The following ENTHD1 variants were observed in gnomAD, a reference collection of about 807,000 sequenced individuals.
The protein encoded by ENTHD1 is ENTH domain containing 1, also known as ENTH domain-containing protein 1.
A neutral mutation model predicts 39.1 loss-of-function variants in ENTHD1; 23 were observed. That is an observed-to-expected ratio of 0.59 (90% CI 0.42 to 0.83). ENTHD1 has a LOEUF of 0.83. ENTHD1 is among the 40% of genes least tolerant of loss of function. The probability of loss-of-function intolerance (pLI) is 0.00; values close to 1 mark genes in which losing one functional copy is unlikely to be tolerated. For missense variants in ENTHD1, 624 were observed against 705.4 expected, an observed-to-expected ratio of 0.88 and a Z score of 1.31; for synonymous variants, 230 against 258.2, an observed-to-expected ratio of 0.89 and a Z score of 1.05.
chr22:39,862,137 A>G, intron 2 of ENTHD1, 130 bp from the exon 3 acceptor site: 1 of 568,196 alleles, frequency 1.8e-6, no homozygotes, highest in Non-Finnish European at 2.8e-6. Context: ...ATAAAGAACT[A>G]CTGATAAGTA....
intron 3 of ENTHD1, among the ~76,000 whole-genome samples, chr22:39,841,068 T>C (rs1201360151): frequency 6.6e-6 from 1 of 152,158 alleles, no homozygotes; most frequent in African/African-American, 2.4e-5. Flanking sequence ...TAGTTGGTAT[T>C]TGTCATATTT....
chr22:39,797,444 T>C (rs774253938), intron 5 of ENTHD1, among the ~76,000 whole-genome samples: 11 of 152,242 alleles, frequency 7.2e-5, no homozygotes, highest in Non-Finnish European at 1.3e-4. Flanking sequence ...TGTTCCTTTC[T>C]CTCATTGTTT....
At chr22:39,849,581 A>T (rs1397046358) in intron 3 of ENTHD1, among the ~76,000 whole-genome samples, 1 of 152,230 alleles carries the variant, frequency 6.6e-6, no homozygotes, top group Non-Finnish European at 1.5e-5. Context: ...AATGTATTTC[A>T]ATTAAACATT....
intron 5 of ENTHD1, among the ~76,000 whole-genome samples, chr22:39,791,401 A>G (rs2065503002): frequency 1.3e-5 from 2 of 151,120 alleles, no homozygotes; most frequent in African/African-American, 4.8e-5. Context: ...TAACATCATA[A>G]TTTTTTTGTG....
chr22:39,821,253 T>C, intron 4 of ENTHD1, 140 bp from the exon 5 acceptor site: 1 of 1,090,518 alleles, frequency 9.2e-7, no homozygotes, highest in Non-Finnish European at 1.3e-6. Flanking sequence ...AACATACATC[T>C]ATCACTTGGC....
chr22:39,797,752 A>AATATAT (rs2065562598), intron 5 of ENTHD1, among the ~76,000 whole-genome samples: 1 of 152,096 alleles, frequency 6.6e-6, no homozygotes, highest in Admixed American at 6.5e-5. Flanking sequence ...TTCAGGACTG[A>AATATAT]ATATATCAAC....
chr22:39,814,321 G>A (rs541363921), intron 5 of ENTHD1, among the ~76,000 whole-genome samples: 21 of 137,126 alleles, frequency 1.5e-4, no homozygotes, highest in Admixed American at 9.1e-4. Context: ...ATAACCAGGT[G>A]TGGTGGTGTG....
chr22:39,869,982 A>T (rs146079303), intron 2 of ENTHD1, among the ~76,000 whole-genome samples: 1 of 107,770 alleles, frequency 9.3e-6, no homozygotes, highest in Non-Finnish European at 2.0e-5. Context: ...GGAGAACAGT[A>T]CTTTATTTAT....
chr22:39,878,068 T>A (rs760452769), intron 2 of ENTHD1, among the ~76,000 whole-genome samples: 1 of 152,166 alleles, frequency 6.6e-6, no homozygotes, highest in Non-Finnish European at 1.5e-5. Flanking sequence ...GTGGACAGCA[T>A]GCAGCATAGA....
At chr22:39,755,560 G>C (rs150950320) in intron 6 of ENTHD1, among the ~76,000 whole-genome samples, 1,584 of 152,162 alleles carry the variant, frequency 0.01, 20 homozygotes, top group Middle Eastern at 0.051. Context: ...CTCTTTGCTT[G>C]GTTACAATTC....
intron 6 of ENTHD1, among the ~76,000 whole-genome samples, chr22:39,757,872 G>C (rs1461044033): frequency 6.6e-6 from 1 of 151,978 alleles, no homozygotes; most frequent in Non-Finnish European, 1.5e-5. Context: ...AGATCTGATG[G>C]TTTTATAAGT....
chr22:39,815,443 CAAAA>C (rs767994996), intron 5 of ENTHD1, among the ~76,000 whole-genome samples: 1 of 120,986 alleles, frequency 8.3e-6, no homozygotes, highest in Non-Finnish European at 1.8e-5. Flanking sequence ...AACTCCGTCT[CAAAA>C]AAAAAAAAAC....
At chr22:39,828,608 C>A (rs559755684) in intron 4 of ENTHD1, among the ~76,000 whole-genome samples, 4 of 152,158 alleles carry the variant, frequency 2.6e-5, no homozygotes, top group Non-Finnish European at 5.9e-5. Context: ...CTGAAGGTTT[C>A]GGTCAGCTTT....
intron 3 of ENTHD1, among the ~76,000 whole-genome samples, chr22:39,856,274 C>CAAAAAAAA (rs34598525): frequency 2.0e-5 from 1 of 50,762 alleles, no homozygotes; most frequent in African/African-American, 7.3e-5. Flanking sequence ...AACTTCATCT[C>CAAAAAAAA]AAAAAAAAAA....
At chr22:39,865,573 T>C (rs2066175699) in intron 2 of ENTHD1, among the ~76,000 whole-genome samples, 1 of 152,132 alleles carries the variant, frequency 6.6e-6, no homozygotes, top group Non-Finnish European at 1.5e-5. Flanking sequence ...GTACTGGAAG[T>C]AGAAAACTTA....
intron 4 of ENTHD1, 149 bp from the exon 5 acceptor site, chr22:39,821,262 G>T (rs2065781143): frequency 1.9e-6 from 2 of 1,040,910 alleles, no homozygotes; most frequent in Non-Finnish European, 2.7e-6. Flanking sequence ...CTATCACTTG[G>T]CTGTCTACTG....
chr22:39,787,210 C>T (rs190259055), intron 5 of ENTHD1, among the ~76,000 whole-genome samples: 2 of 152,230 alleles, frequency 1.3e-5, no homozygotes, highest in African/African-American at 2.4e-5. Context: ...TGAACTTAAT[C>T]GATAAATGCT....
chr22:39,747,256 GGATTACCTC>G (rs2065112840), intron 6 of ENTHD1, among the ~76,000 whole-genome samples: 2 of 152,022 alleles, frequency 1.3e-5, no homozygotes, highest in South Asian at 4.2e-4. Context: ...CCCGAAGCTG[GGATTACCTC>G]TGTGAGCCAC....
At chr22:39,874,319 A>C (rs1009532417) in intron 2 of ENTHD1, 1 of 152,218 alleles carries the variant, frequency 6.6e-6, no homozygotes, top group African/African-American at 2.4e-5. Context: ...GTTCTCCTAC[A>C]AATAGATCTT....
Sources: gnomAD v4.1 joint callset for allele counts (sites outside exome capture counted in the v4.1 genomes callset) on GRCh38, gnomAD v4.1.1 for gene constraint, MANE v1.5 for transcripts, NCBI Gene and HGNC (gene_info 2026-07-23, HGNC 2026-07-21) for gene names.